The following CDK11A variants were observed in gnomAD, a reference collection of about 807,000 sequenced individuals.
CDK11A encodes the protein cyclin-dependent kinase 11A.
Under a neutral mutation model 83.6 loss-of-function variants are expected in CDK11A, and 55 were observed. That is an observed-to-expected ratio of 0.66 (90% CI 0.53 to 0.82). CDK11A has a LOEUF of 0.82. CDK11A is among the 40% of genes least tolerant of loss of function. The pLI is 0.00. For synonymous variants in CDK11A, 247 were observed against 302.7 expected (o/e 0.82, Z 1.91); for missense variants, 564 against 810.1 (o/e 0.70, Z 3.69).
At chr1:1,719,287 A>G in intron 4 of CDK11A, 41 bp downstream of exon 4, 1 of 1,460,428 alleles carries the variant, frequency 6.8e-7, no homozygotes. Flanking sequence ...GAAAGAAACC[A>G]CACTTGAACA....
chr1:1,706,816 C>G (rs573671292), intron 11 of CDK11A, among the ~76,000 whole-genome samples: 1 of 150,576 alleles, frequency 6.6e-6, no homozygotes, highest in South Asian at 2.1e-4. Context: ...CTGCTGCATG[C>G]GCCAGAGAGA....
intron 3 of CDK11A, among the ~76,000 whole-genome samples, chr1:1,720,341 C>A (rs1644858873): frequency 6.6e-6 from 1 of 150,606 alleles, no homozygotes; most frequent in African/African-American, 2.4e-5. Context: ...TTGTGATCTG[C>A]CCGCCTCAGC....
At chr1:1,716,530 G>A (rs1407870047) in intron 4 of CDK11A, 52 bp from the exon 5 acceptor site, 6 of 1,576,880 alleles carry the variant, frequency 3.8e-6, no homozygotes, top group East Asian at 2.3e-5. Flanking sequence ...AAAATTTCAC[G>A]AGGCCGGGCA....
chr1:1,704,541 C>A lies in CDK11A; in HGVS notation c.1564+9G>T, dbSNP rs749863418. On this transcript the variant is annotated intron_variant, in intron 14 of 19. Transcript: ENST00000404249. ...TGTACGCAGACAGGACCCCGGGGCG[C>A]GGCTGTACCTGGCAGGAAGGGCTGT... 4 of 1,603,852 alleles carry A rather than the reference C, an allele frequency of 2.5e-6. No individual in the cohort carries two copies. The African/African-American group carries it at 5.4e-5, about 22-fold the overall frequency.
rs1460588307 is a variant in CDK11A, at chr1:1,708,372, G to A, written c.1004-127C>T. ...AATGGATATGGAGGCTGGGCGCGGTGGCTCACGCCTGTAATCCCAGTGCTT... is the reference window on the plus strand; with the variant it reads ...AATGGATATGGAGGCTGGGCGCGGTAGCTCACGCCTGTAATCCCAGTGCTT... On this transcript the variant is annotated intron_variant, in intron 9 of 19. Transcript: ENST00000404249. The A allele has an allele frequency of 5.6e-6, 8 of 1,430,406 alleles. No individual in the cohort carries two copies. The East Asian group carries it at 1.7e-4, about 31-fold the overall frequency. The allele number at this position is 1,430,406 out of a possible 1,614,324, so 88.6% of individuals were successfully genotyped here. A position where few individuals can be genotyped will look rare whatever the true frequency, so the allele number is the denominator to read the frequency against.
intron 3 of CDK11A, among the ~76,000 whole-genome samples, chr1:1,720,325 C>G (rs1212838123): frequency 6.7e-6 from 1 of 150,336 alleles, no homozygotes; most frequent in East Asian, 2.0e-4. Context: ...TCTCGATCTC[C>G]TGACCTTGTG....
Position 1,704,930 on chromosome 1 carries a change from G to C in CDK11A, c.1432C>G (p.Gln478Glu), listed in dbSNP as rs1644254465. The C allele has an allele frequency of 6.3e-7, 1 of 1,595,366 alleles. No homozygotes were observed. Among genetic ancestry groups the C allele is most frequent in the Non-Finnish European group, 8.5e-7 (1 of 1,172,574 alleles). The change falls in exon 13 of 20, where the codon CAG becomes GAG. Residue 478 changes from glutamine to glutamate, a missense_variant. Around this residue, in one of 5 missense-constraint regions of CDK11A, gnomAD observed 361 missense variants for 402.7 expected, o/e 0.90. Transcript: ENST00000404249. Reference sequence around the variant, plus strand: ...CTAACGGTGACAATGTTGGGATGCTGGGCCTTGAGGATGGTGTTGATCTCC... The same window carrying C: ...CTAACGGTGACAATGTTGGGATGCTCGGCCTTGAGGATGGTGTTGATCTCC... The part of the protein sequence containing the change: ...LREINTILKA[Q>E]HPNIVTVREI...
rs1474845730 is a variant in CDK11A at position 1,704,314 on chromosome 1, A to G, written c.1595T>C (p.Leu532Pro). Residue 532 changes from leucine (L) to proline (P), a missense_variant, in exon 15 of 20, where the codon CTG becomes CCG. Coordinates refer to ENST00000404249, the MANE Select transcript of CDK11A (RefSeq NM_024011.4). The part of the protein sequence containing the change: ...GEVKTLMIQL[L>P]RGVKHLHDNW... ...GTCGTGCAGGTGTTTCACCCCCCGC[A>G]GCAGCTGGATCATCAGGGTCTTCAC... 6.2e-7 allele frequency: 1 copy of G among 1,607,308 alleles called. No homozygotes were observed. The highest frequency in any genetic ancestry group is 8.5e-7 in the Non-Finnish European group (1 of 1,176,108).
rs72909014 is a variant in CDK11A, at chr1:1,716,432, T to C, written c.402A>G (p.Arg134=). The change falls in exon 5 of 20, where the codon CGA becomes CGG. Residue 134 remains arginine, a synonymous_variant. Transcript: ENST00000404249. Reference sequence around the variant, plus strand: ...GAGCTTTATCCTGTTCTTCTCGATGTCGTTTCCGACGTTCGTGCTCTCTTT... The same window carrying C: ...GAGCTTTATCCTGTTCTTCTCGATGCCGTTTCCGACGTTCGTGCTCTCTTT... ...VKEREHERRK[R]HREEQDKARR... The C allele has an allele frequency of 4.4e-6, 7 of 1,608,558 alleles. 1 individual carries two copies. Among genetic ancestry groups the C allele is most frequent in the African/African-American group, 1.3e-5 (1 of 74,532 alleles).
In CDK11A at chr1:1,704,362, T is replaced by A. The variant is rs771526214; in HGVS notation, c.1565-18A>T. On this transcript the variant is annotated intron_variant, in intron 14 of 19. Coordinates refer to ENST00000404249, the MANE Select transcript of CDK11A (RefSeq NM_024011.4). ...CACCTCCCCTGGGAGGGAGGGAGGC[T>A]CCCATGTGGACCCGGCCGCCCCAAG... is the stretch of plus-strand genomic sequence containing the variant. 4 of 1,606,466 alleles carry A rather than the reference T, an allele frequency of 2.5e-6. No homozygotes were observed. Among genetic ancestry groups the A allele is most frequent in the Non-Finnish European group, 3.4e-6 (4 of 1,175,784 alleles).
At chr1:1,706,324 C>T (rs1430938154) in intron 11 of CDK11A, among the ~76,000 whole-genome samples, 2 of 151,274 alleles carry the variant, frequency 1.3e-5, no homozygotes, top group East Asian at 3.9e-4. Context: ...CCCACCGCCT[C>T]GGCCTCCCAA....
chr1:1,721,908 T>C (rs1644920445), intron 2 of CDK11A, 197 bp from the exon 3 acceptor site: 4 of 640,142 alleles, frequency 6.2e-6, no homozygotes, highest in Admixed American at 3.3e-5. Flanking sequence ...TCCCAGCACT[T>C]TGGGAGGCCG....
intron 2 of CDK11A, among the ~76,000 whole-genome samples, chr1:1,722,064 T>G (rs1045391676): frequency 6.6e-6 from 1 of 150,826 alleles, no homozygotes; most frequent in Non-Finnish European, 1.5e-5. Context: ...GGTAGGAGAA[T>G]GGTGTGAACC....
At chr1:1,716,704 C>G (rs1644665170) in intron 4 of CDK11A, among the ~76,000 whole-genome samples, 1 of 148,720 alleles carries the variant, frequency 6.7e-6, no homozygotes, top group Non-Finnish European at 1.5e-5. Flanking sequence ...ATCCCAGGTA[C>G]TAAGGGAGGC....
At chr1:1,703,782 C>A in intron 17 of CDK11A, 42 bp downstream of exon 17, 1 of 1,605,276 alleles carries the variant, frequency 6.2e-7, no homozygotes, top group Non-Finnish European at 8.5e-7. Context: ...TCCTGCAACT[C>A]CTCTGAAATC....
rs936549366 is a variant in CDK11A, at chr1:1,704,595, C to T, written c.1519G>A (p.Asp507Asn). ...IYIVMNYVEH[D>N]LKSLMETMKQ... is the part of the protein sequence containing the mutation. ...ATGGTCTCCATCAGGCTCTTGAGGT[C>T]GTGCTCCACGTAGTTCATCACGATG... Residue 507 changes from aspartate to asparagine, a missense_variant, in exon 14 of 20, where the codon GAC becomes AAC. Physicochemically the swap from Asp to Asn is conservative, Grantham distance 23. This residue lies in a region of CDK11A where 361 missense variants were observed against 402.7 expected (regional missense o/e 0.90). Coordinates refer to ENST00000404249, the MANE Select transcript of CDK11A (RefSeq NM_024011.4). 12 of 1,602,366 alleles carry T rather than the reference C, an allele frequency of 7.5e-6. No individual in the cohort carries two copies. Among genetic ancestry groups the T allele is most frequent in the African/African-American group, 4.1e-5 (3 of 73,696 alleles).
At position 1,715,433 on chromosome 1, in the gene CDK11A, G is replaced by C. The variant is rs530153734; in HGVS notation, c.488+913C>G. On this transcript the variant is annotated intron_variant, in intron 5 of 19. Coordinates refer to ENST00000404249, the MANE Select transcript of CDK11A (RefSeq NM_024011.4). ...CTACCAACCTCCACTTCTATCCCAA[G>C]CTCTACTCTCGTGGGACAAGACACA... is the stretch of plus-strand genomic sequence containing the variant. 3.8e-3 allele frequency among the ~76,000 whole-genome samples: 558 copies of C among 148,286 alleles called. 26 individuals are homozygous for C. The highest frequency in any genetic ancestry group is 0.034 in the Admixed American group (494 of 14,538).
chr1:1,703,855 G>A lies in CDK11A; in HGVS notation c.1880C>T (p.Ser627Leu), dbSNP rs757293035. Residue 627 changes from serine to leucine, a missense_variant, in exon 17 of 20, where the codon TCG becomes TTG. By Grantham distance (145) the Ser-to-Leu change is moderately radical. Coordinates refer to ENST00000404249, the MANE Select transcript of CDK11A (RefSeq NM_024011.4). ...CACTTTGTTGATCTGATCGATTTCC[G>A]AATTCCCGGGGAACAGAGGCTTCTG... The part of the protein sequence containing the change: ...LTQKPLFPGN[S>L]EIDQINKVFK... The A allele has an allele frequency of 7.5e-6, 12 of 1,609,774 alleles. 1 individual carries two copies. The highest frequency in any genetic ancestry group is 6.7e-5 in the East Asian group (3 of 44,808).
rs1425952212 is a variant in CDK11A at position 1,702,395 on chromosome 1, A to G, written c.*512T>C. Among the ~76,000 whole-genome samples the G allele has an allele frequency of 3.5e-5, 3 of 85,008 alleles. No individual in the cohort carries two copies. 55.8% of individuals were successfully genotyped at this position (85,008 alleles called of 152,430 possible). A position where few individuals can be genotyped will look rare whatever the true frequency, so the allele number is the denominator to read the frequency against. ...CGACACGGGGAGCTTTCCTCGAAGA[A>G]TATTTTAATACATTTTAAAACTCAA... On this transcript the variant is annotated 3_prime_UTR_variant, in exon 20 of 20. Coordinates refer to ENST00000404249, the MANE Select transcript of CDK11A (RefSeq NM_024011.4).
Sources: allele counts gnomAD v4.1 joint callset (sites outside exome capture counted in the v4.1 genomes callset), GRCh38; gene constraint gnomAD v4.1.1; regional missense constraint gnomAD v4.1.1; transcripts MANE v1.5; gene names NCBI Gene and HGNC (gene_info 2026-07-23, HGNC 2026-07-21).